Variants in ATE1 observed in about 807,000 individuals in gnomAD.
ATE1 encodes arginyl-tRNA--protein transferase 1.
Under a neutral mutation model 70.5 loss-of-function variants are expected in ATE1, and 36 were observed. The ratio of observed to expected loss-of-function variants is 0.51; its 90% CI spans 0.39 to 0.67. ATE1 has a LOEUF of 0.67. ATE1 is among the 30% of genes least tolerant of loss of function. The pLI, the probability that ATE1 is intolerant of heterozygous loss-of-function variation, is 0.00. For missense variants in ATE1, 593 were observed against 629.5 expected, an observed-to-expected ratio of 0.94 and a Z score of 0.62; for synonymous variants, 232 against 219.3, an observed-to-expected ratio of 1.06 and a Z score of -0.51.
intron 1 of ATE1, among the ~76,000 whole-genome samples, chr10:121,925,334 C>T (rs184006981): frequency 5.1e-4 from 77 of 150,422 alleles, no homozygotes; most frequent in Middle Eastern, 3.5e-3. Flanking sequence ...GCAGGAGAAT[C>T]GCTTGAACCC....
intron 8 of ATE1, among the ~76,000 whole-genome samples, chr10:121,864,558 T>C (rs1312336730): frequency 6.6e-6 from 1 of 152,190 alleles, no homozygotes; most frequent in East Asian, 1.9e-4. Flanking sequence ...GAAATTACCA[T>C]GAAGCAGAGT....
chr10:121,854,609 A>C (rs1056425547), intron 8 of ATE1, among the ~76,000 whole-genome samples: 1 of 152,072 alleles, frequency 6.6e-6, no homozygotes, highest in African/African-American at 2.4e-5. Flanking sequence ...CTTCTCCACT[A>C]AGTTTGTGCC....
rs74323321 is a variant in ATE1 at position 121,836,464 on chromosome 10, G to A, written c.1257+254C>T. Among the ~76,000 whole-genome samples, 1,197 of 152,226 alleles carry A rather than the reference G, an allele frequency of 7.9e-3. 18 individuals carry two copies. The highest frequency in any genetic ancestry group is 0.028 in the African/African-American group (1,154 of 41,546). ...GGAAACATCAAAGAGTTTCATTAAC[G>A]AGAGTCATAAAACTTTTTTTTAAAG... is the stretch of plus-strand genomic sequence containing the variant. On this transcript the variant is annotated intron_variant, in intron 10 of 11. Transcript: ENST00000224652.
At chr10:121,838,002 A>G (rs1948491647) in intron 9 of ATE1, among the ~76,000 whole-genome samples, 1 of 151,954 alleles carries the variant, frequency 6.6e-6, no homozygotes, top group Non-Finnish European at 1.5e-5. Context: ...CCAATGTCCA[A>G]TCCATCAGCA....
At position 121,781,709 on chromosome 10, in the gene ATE1, T is replaced by A. The variant is rs187959442; in HGVS notation, c.1378+8460A>T. The stretch of plus-strand genomic sequence containing the variant: ...CTTAACATGAGAAGTGCTCAGAACT[T>A]TACTATGGTTTTCCTTTTCTGACAG... On this transcript the variant is annotated intron_variant, in intron 11 of 11. Transcript: ENST00000224652. Among the ~76,000 whole-genome samples the A allele has an allele frequency of 2.0e-5, 3 of 152,330 alleles. No homozygotes were observed. In the East Asian group the frequency reaches 5.8e-4, roughly 29 times the overall value.
intron 2 of ATE1, 93 bp from the exon 3 acceptor site, chr10:121,922,504 T>C (rs1951921614): frequency 5.3e-6 from 4 of 749,864 alleles, no homozygotes; most frequent in South Asian, 4.9e-5. Context: ...AGGTTAAAAA[T>C]CTAATCAACA....
chr10:121,765,607 T>G (rs1650718353), intron 11 of ATE1, among the ~76,000 whole-genome samples: 1 of 152,196 alleles, frequency 6.6e-6, no homozygotes. Flanking sequence ...GCTTTAAAAA[T>G]AATGCTCCAG....
At chr10:121,839,749 G>A (rs1296433036) in intron 9 of ATE1, among the ~76,000 whole-genome samples, 1 of 152,086 alleles carries the variant, frequency 6.6e-6, no homozygotes, top group Non-Finnish European at 1.5e-5. Context: ...AAAAAGTCAA[G>A]TTGAAAATGC....
chr10:121,835,166 AG>A (rs1470792474), intron 10 of ATE1, among the ~76,000 whole-genome samples: 1 of 152,162 alleles, frequency 6.6e-6, no homozygotes, highest in African/African-American at 2.4e-5. Context: ...TCAGGCATAA[AG>A]GAAGTTTTTG....
rs1022009548 is a variant in ATE1, at chr10:121,916,562, G to A, written c.234-2669C>T. 4.6e-5 allele frequency among the ~76,000 whole-genome samples: 7 copies of A among 152,116 alleles called. No individual in the cohort carries two copies. The East Asian group carries it at 7.7e-4, about 17-fold the overall frequency. ...GCTAAAAAGAATCCCCAGGCCGGGC[G>A]CGGTGGCTCACGCTTGCAATCCCAA... is the stretch of plus-strand genomic sequence containing the variant. On this transcript the variant is annotated intron_variant, in intron 3 of 11. Coordinates refer to ENST00000224652, the MANE Select transcript of ATE1 (RefSeq NM_001001976.3).
At position 121,887,471 on chromosome 10, in the gene ATE1, A is replaced by G. The variant is rs1950439984; in HGVS notation, c.942+12395T>C. Among the ~76,000 whole-genome samples the G allele has an allele frequency of 5.3e-5, 8 of 152,302 alleles. No individual in the cohort carries two copies. In the South Asian group the frequency reaches 1.7e-3, roughly 32 times the overall value. On this transcript the variant is annotated intron_variant, in intron 7 of 11. Coordinates refer to ENST00000224652, the MANE Select transcript of ATE1 (RefSeq NM_001001976.3). ...ACACCTATAATGCCAGTACTTTAGC[A>G]GGTTGAGGCAGGAGGATCAGGTGAT...
rs200052425 is a variant in ATE1 at position 121,920,996 on chromosome 10, T to TA, written c.233+1352dup. On this transcript the variant is annotated intron_variant, in intron 3 of 11. Coordinates refer to ENST00000224652, the MANE Select transcript of ATE1 (RefSeq NM_001001976.3). ...GCGACAGTGCGAGACTCCGTCTCTT[T>TA]AAAAAAAAAAAAAAAAAACTGGACT... Among the ~76,000 whole-genome samples, 622 of 142,276 alleles carry TA rather than the reference T, an allele frequency of 4.4e-3. 1 individual carries two copies. Among genetic ancestry groups the TA allele is most frequent in the African/African-American group, 6.8e-3 (261 of 38,414 alleles). 93.3% of individuals were successfully genotyped at this position (142,276 alleles called of 152,430 possible). A position where few individuals can be genotyped will look rare whatever the true frequency, so the allele number is the denominator to read the frequency against.
chr10:121,743,943 A>G lies in ATE1; in HGVS notation c.1379-85T>C. 9 of 1,076,528 alleles carry G rather than the reference A, an allele frequency of 8.4e-6. No homozygotes were observed. In the South Asian group the frequency reaches 1.5e-4, roughly 18 times the overall value. The allele number at this position is 1,076,528 out of a possible 1,614,324, so 66.7% of individuals were successfully genotyped here. On this transcript the variant is annotated intron_variant, in intron 11 of 11. Transcript: ENST00000224652. The stretch of plus-strand genomic sequence containing the variant: ...TTTTTTTTTTTTTTTTTTTTTTGAG[A>G]CAAGAGTCTTGCTCTGTCGCCCAGG...
intron 7 of ATE1, chr10:121,898,862 G>T: frequency 6.2e-7 from 1 of 1,613,660 alleles, no homozygotes; most frequent in Non-Finnish European, 8.5e-7. Flanking sequence ...CACATTCATC[G>T]GGTGGATCCT....
chr10:121,847,647 A>T (rs1316424475), intron 8 of ATE1, among the ~76,000 whole-genome samples: 1 of 147,798 alleles, frequency 6.8e-6, no homozygotes, highest in African/African-American at 2.5e-5. Context: ...AATCCCAGCT[A>T]CTCAGGAGGC....
At chr10:121,743,916 CTTTTTT>C (rs35850942) in intron 11 of ATE1, 58 bp from the exon 12 acceptor site, 1,228 of 869,526 alleles carry the variant, frequency 1.4e-3, no homozygotes, top group Admixed American at 3.4e-3. Context: ...TTTTTGTTTC[CTTTTTT>C]TTTTTTTTTT....
At chr10:121,902,257 CTCTT>C in intron 6 of ATE1, 130 bp downstream of exon 6, 1 of 825,324 alleles carries the variant, frequency 1.2e-6, no homozygotes, top group South Asian at 2.0e-5. Flanking sequence ...CTTCCCAGTT[CTCTT>C]TAATTTCTTT....
At chr10:121,749,534 T>C (rs1944499329) in intron 11 of ATE1, among the ~76,000 whole-genome samples, 1 of 152,110 alleles carries the variant, frequency 6.6e-6, no homozygotes, top group Non-Finnish European at 1.5e-5. Context: ...AGATACACTA[T>C]CCATTTTTAA....
rs1951538424 is a variant in ATE1 at position 121,913,822 on chromosome 10, G to T, written c.305C>A (p.Ala102Asp). Residue 102 changes from alanine to aspartate, a missense_variant, in exon 4 of 12, where the codon GCT becomes GAT. This residue lies in a region of ATE1 where 467 missense variants were observed against 469.6 expected (regional missense o/e 0.99). Transcript: ENST00000224652. ...KVLKKMLKFLAKGEVPKGSCE... is the reference protein window; with the variant it reads ...KVLKKMLKFLDKGEVPKGSCE... ...ACTTCCTTTGGGAACCTCCCCTTTA[G>T]CTAGAAATTTCAACATTTTTTTCAA... 1.2e-6 allele frequency: 2 copies of T among 1,613,122 alleles called. No individual in the cohort carries two copies. The highest frequency in any genetic ancestry group is 1.3e-5 in the African/African-American group (1 of 74,846).
Sources: allele counts gnomAD v4.1 joint callset (sites outside exome capture counted in the v4.1 genomes callset), GRCh38; gene constraint gnomAD v4.1.1; regional missense constraint gnomAD v4.1.1; transcripts MANE v1.5; gene names NCBI Gene and HGNC (gene_info 2026-07-23, HGNC 2026-07-21).